The following RBPMS2 variants were observed in gnomAD, a reference collection of about 807,000 sequenced individuals.
The protein encoded by RBPMS2 is RNA-binding protein with multiple splicing 2.
Under a neutral mutation model 25.7 loss-of-function variants are expected in RBPMS2, and 14 were observed. The observed-to-expected ratio is 0.55, with a 90% CI of 0.36 to 0.85. The LOEUF (loss-of-function observed/expected upper bound fraction) is 0.85, where lower values mean the gene tolerates loss of function less well. Among genes scored for constraint, RBPMS2 ranks in the 40% least tolerant of loss-of-function variants. RBPMS2 has a pLI of 0.01. For synonymous variants in RBPMS2, 127 were observed against 115.6 expected, an observed-to-expected ratio of 1.10 and a Z score of -0.63; for missense variants, 252 against 283.4, an observed-to-expected ratio of 0.89 and a Z score of 0.80.
At chr15:64,743,535 C>A (rs1056449143) in intron 6 of RBPMS2, among the ~76,000 whole-genome samples, 1 of 152,228 alleles carries the variant, frequency 6.6e-6, no homozygotes, top group African/African-American at 2.4e-5. Context: ...CACACAATCC[C>A]TTCCTAGAGC....
chr15:64,745,092 G>A (rs1455782686), intron 6 of RBPMS2, among the ~76,000 whole-genome samples: 2 of 151,956 alleles, frequency 1.3e-5, no homozygotes, highest in Non-Finnish European at 2.9e-5. Context: ...GGGATTACAG[G>A]CATGAGCCAC....
At chr15:64,748,930 T>C (rs2083646263) in intron 5 of RBPMS2, 70 bp downstream of exon 5, 1 of 1,549,752 alleles carries the variant, frequency 6.5e-7, no homozygotes, top group Admixed American at 1.9e-5. Context: ...GGGGCTTCCC[T>C]CTGCAAGAGC....
In RBPMS2 at chr15:64,751,570, C is replaced by T; in HGVS notation, c.156G>A (p.Arg52=). The change falls in exon 2 of 8, where the codon CGG becomes CGA. Residue 52 remains arginine (R), a synonymous_variant. Coordinates refer to ENST00000300069, the MANE Select transcript of RBPMS2 (RefSeq NM_194272.3). ...IKPRELYLLF[R]PFKGYEGSLI... ...CTGGGTCCTGACTCACCTTGAACGGCCGGAAGAGCAAGTAGAGTTCTCTGG... is the reference window on the plus strand; with the variant it reads ...CTGGGTCCTGACTCACCTTGAACGGTCGGAAGAGCAAGTAGAGTTCTCTGG... The T allele has an allele frequency of 6.2e-7, 1 of 1,613,880 alleles. No homozygotes were observed. The highest frequency in any genetic ancestry group is 8.5e-7 in the Non-Finnish European group (1 of 1,179,882).
intron 1 of RBPMS2, among the ~76,000 whole-genome samples, chr15:64,764,108 G>A (rs1302396907): frequency 6.6e-6 from 1 of 152,210 alleles, no homozygotes; most frequent in African/African-American, 2.4e-5. Context: ...ACAGAGCCAG[G>A]GGCCAGGACT....
In RBPMS2 at chr15:64,740,937, GA is replaced by G. The variant is rs1475063029; in HGVS notation, c.*70del. The G allele has an allele frequency of 4.4e-6, 2 of 458,680 alleles. No homozygotes were observed. Among genetic ancestry groups the G allele is most frequent in the African/African-American group, 4.0e-5 (2 of 50,320 alleles). 28.4% of individuals were successfully genotyped at this position (458,680 alleles called of 1,614,324 possible). On this transcript the variant is annotated 3_prime_UTR_variant, in exon 8 of 8. Transcript: ENST00000300069. ...TGTGCAGGCCGCCCGGGGGCAGTGGGAACTCGGGGCGCCTGTCCCGGCACCA... is the reference window on the plus strand; with the variant it reads ...TGTGCAGGCCGCCCGGGGGCAGTGGGACTCGGGGCGCCTGTCCCGGCACCA...
chr15:64,751,016 T>G (rs1482672340), intron 2 of RBPMS2, among the ~76,000 whole-genome samples: 1 of 144,510 alleles, frequency 6.9e-6, no homozygotes, highest in Admixed American at 6.9e-5. Context: ...CCTGGGCAAC[T>G]GAGTGAGACT....
At chr15:64,744,819 T>G (rs2083602990) in intron 6 of RBPMS2, among the ~76,000 whole-genome samples, 2 of 116,984 alleles carry the variant, frequency 1.7e-5, no homozygotes, top group African/African-American at 3.4e-5. Context: ...TTTTTTTTTT[T>G]TTTTTTTTTT....
chr15:64,762,396 A>G, intron 1 of RBPMS2: 1 of 534,646 alleles, frequency 1.9e-6, no homozygotes, highest in Non-Finnish European at 3.8e-6. Context: ...CTACCAGCCC[A>G]GACCACAGAG....
chr15:64,756,108 G>C (rs934987350), intron 1 of RBPMS2, among the ~76,000 whole-genome samples: 4 of 152,096 alleles, frequency 2.6e-5, no homozygotes, highest in African/African-American at 9.7e-5. Context: ...AATGTCCCTA[G>C]AGTCAGGTCT....
At chr15:64,768,860 G>A (rs2083869833) in intron 1 of RBPMS2, among the ~76,000 whole-genome samples, 1 of 151,414 alleles carries the variant, frequency 6.6e-6, no homozygotes, top group Admixed American at 6.6e-5. Flanking sequence ...CAGCACTTTG[G>A]GAGGCCAAGG....
intron 1 of RBPMS2, among the ~76,000 whole-genome samples, chr15:64,769,424 C>CAAA (rs11311509): frequency 3.4e-5 from 3 of 87,906 alleles, no homozygotes; most frequent in South Asian, 3.5e-4. Context: ...AACTCCGTCT[C>CAAA]AAAAAAAAAA....
chr15:64,774,732 A>AGCCGGCCGGCCGGCCGGCCG lies in RBPMS2; in HGVS notation c.87+500_87+501insCGGCCGGCCGGCCGGCCGGC, dbSNP rs146916271. On this transcript the variant is annotated intron_variant, in intron 1 of 7. Transcript: ENST00000300069. ...TGACAACAGCTCGCAGGAACCGAGG[A>AGCCGGCCGGCCGGCCGGCCG]GCCGGCCGGCCCAGGCCTCCAAGGT... 8.1e-3 allele frequency among the ~76,000 whole-genome samples: 1,196 copies of AGCCGGCCGGCCGGCCGGCCG among 147,094 alleles called. 82 individuals are homozygous for AGCCGGCCGGCCGGCCGGCCG. The East Asian group carries it at 0.15, about 19-fold the overall frequency.
At chr15:64,769,393 C>T (rs1462534311) in intron 1 of RBPMS2, among the ~76,000 whole-genome samples, 4 of 141,604 alleles carry the variant, frequency 2.8e-5, no homozygotes, top group Non-Finnish European at 6.1e-5. Context: ...CATTGCACTC[C>T]AGCCTGGGCA....
chr15:64,769,520 C>A (rs1179640458), intron 1 of RBPMS2, among the ~76,000 whole-genome samples: 1 of 150,638 alleles, frequency 6.6e-6, no homozygotes, highest in Non-Finnish European at 1.5e-5. Context: ...ATTAGCCGGG[C>A]GTAGCAGCGG....
chr15:64,765,224 C>CT (rs1209042401), intron 1 of RBPMS2, among the ~76,000 whole-genome samples: 15 of 35,834 alleles, frequency 4.2e-4, no homozygotes, highest in African/African-American at 1.3e-3. Flanking sequence ...GAGACTCTGT[C>CT]TCAAAAAAAA....
intron 4 of RBPMS2, 53 bp downstream of exon 4, chr15:64,749,378 C>A (rs1366781456): frequency 2.3e-5 from 34 of 1,481,668 alleles, no homozygotes; most frequent in African/African-American, 6.9e-5. Context: ...ATCTGCACAC[C>A]CACTGCCTAA....
intron 6 of RBPMS2, among the ~76,000 whole-genome samples, chr15:64,744,789 G>GT (rs1567062867): frequency 1.9e-4 from 12 of 61,622 alleles, no homozygotes; most frequent in African/African-American, 6.1e-4. Flanking sequence ...AGTTTTTTTG[G>GT]TTTGTTTTGT....
At chr15:64,763,412 G>T (rs1050890748) in intron 1 of RBPMS2, among the ~76,000 whole-genome samples, 1 of 152,154 alleles carries the variant, frequency 6.6e-6, no homozygotes, top group African/African-American at 2.4e-5. Context: ...CCCCCATCTA[G>T]AGGACACTTG....
At chr15:64,763,153 A>G (rs1045260475) in intron 1 of RBPMS2, among the ~76,000 whole-genome samples, 10 of 152,032 alleles carry the variant, frequency 6.6e-5, no homozygotes, top group Non-Finnish European at 1.3e-4. Flanking sequence ...CTCCCATAGG[A>G]AAGAAGGCCC....
Sources: allele counts gnomAD v4.1 joint callset (sites outside exome capture counted in the v4.1 genomes callset), GRCh38; gene constraint gnomAD v4.1.1; transcripts MANE v1.5; gene names NCBI Gene and HGNC (gene_info 2026-07-23, HGNC 2026-07-21).